The following ZNF654 variants were observed in gnomAD, a reference collection of about 807,000 sequenced individuals.
ZNF654 encodes zinc finger protein 654, also known as melanoma-associated antigen.
ZNF654 carries 19 observed loss-of-function variants against 95.3 expected under a neutral mutation model. The observed-to-expected ratio is 0.20, with a 90% CI of 0.14 to 0.29. The LOEUF is 0.29. ZNF654 is among the 10% of genes least tolerant of loss of function. The pLI, the probability that ZNF654 is intolerant of heterozygous loss-of-function variation, is 1.00. For missense variants in ZNF654, 1,046 were observed against 1,341.0 expected (o/e 0.78, Z 3.44); for synonymous variants, 413 against 457.9 (o/e 0.90, Z 1.25).
In ZNF654 at chr3:88,059,437, G is replaced by C. The variant is rs1207188959; in HGVS notation, c.118G>C (p.Ala40Pro). The change falls in exon 1 of 9, where the codon GCT (alanine) becomes CCT (proline). Residue 40 changes from alanine to proline, a missense_variant. Ala to Pro is a conservative substitution (Grantham distance 27). Coordinates refer to ENST00000636215, the MANE Select transcript of ZNF654 (RefSeq NM_001350134.2). ...AGCTGCGGGCGACGGCAGAGGCGGC[G>C]CTGGCAGCGGCAACTGCGGCGGCGG... ...LRAAGDGRGG[A>P]GSGNCGGGVG... is the part of the protein sequence containing the mutation. 6.6e-7 allele frequency: 1 copy of C among 1,522,074 alleles called. No individual in the cohort carries two copies. Among genetic ancestry groups the C allele is most frequent in the East Asian group, 2.5e-5 (1 of 40,216 alleles). The allele number at this position is 1,522,074 out of a possible 1,614,324, so 94.3% of individuals were successfully genotyped here. A position where few individuals can be genotyped will look rare whatever the true frequency, so the allele number is the denominator to read the frequency against.
chr3:88,110,268 A>T (rs948850232), intron 2 of ZNF654, among the ~76,000 whole-genome samples: 3 of 152,104 alleles, frequency 2.0e-5, no homozygotes, highest in African/African-American at 7.2e-5. Flanking sequence ...TTCAAACCCA[A>T]ACAGCTAGAC....
At chr3:88,100,685 C>A (rs1260049030) in intron 2 of ZNF654, among the ~76,000 whole-genome samples, 2 of 152,146 alleles carry the variant, frequency 1.3e-5, no homozygotes, top group African/African-American at 2.4e-5. Flanking sequence ...TGGAAACCAT[C>A]ATTCTCAGCA....
At chr3:88,120,142 T>G (rs1478859873) in intron 3 of ZNF654, among the ~76,000 whole-genome samples, 3 of 152,166 alleles carry the variant, frequency 2.0e-5, no homozygotes, top group Non-Finnish European at 4.4e-5. Context: ...CTGAGAGTCA[T>G]CTTAAAAATT....
intron 1 of ZNF654, among the ~76,000 whole-genome samples, chr3:88,069,098 A>C (rs575532254): frequency 1.3e-5 from 2 of 152,004 alleles, no homozygotes; most frequent in African/African-American, 4.8e-5. Flanking sequence ...GAAAAAAATC[A>C]AATTCAATCT....
chr3:88,090,789 C>T (rs1282348162), intron 2 of ZNF654, among the ~76,000 whole-genome samples: 1 of 152,036 alleles, frequency 6.6e-6, no homozygotes, highest in East Asian at 1.9e-4. Flanking sequence ...GCTTCCCTGG[C>T]CACATTGGAA....
At chr3:88,116,193 G>T (rs1705379323) in intron 3 of ZNF654, among the ~76,000 whole-genome samples, 1 of 152,060 alleles carries the variant, frequency 6.6e-6, no homozygotes, top group African/African-American at 2.4e-5. Context: ...CTAAAGGACA[G>T]AAATCCTGAG....
At position 88,110,372 on chromosome 3, in the gene ZNF654, G is replaced by A. The variant is rs190518146; in HGVS notation, c.333-2743G>A. 2.6e-5 allele frequency among the ~76,000 whole-genome samples: 4 copies of A among 152,194 alleles called. No homozygotes were observed. The East Asian group carries it at 5.8e-4, about 22-fold the overall frequency. On this transcript the variant is annotated intron_variant, in intron 2 of 8. Coordinates refer to ENST00000636215, the MANE Select transcript of ZNF654 (RefSeq NM_001350134.2). ...CTGGTCAACTCTACCACTGTGGTAT[G>A]AAAGCAGCTGTAGTCAATATGTAAA...
At chr3:88,075,668 G>A (rs1048644168) in intron 1 of ZNF654, among the ~76,000 whole-genome samples, 2 of 152,162 alleles carry the variant, frequency 1.3e-5, no homozygotes, top group African/African-American at 4.8e-5. Context: ...TTCAGCAATA[G>A]TAGGATATGT....
chr3:88,137,659 A>G (rs1706879813), intron 7 of ZNF654, among the ~76,000 whole-genome samples: 1 of 152,180 alleles, frequency 6.6e-6, no homozygotes, highest in African/African-American at 2.4e-5. Flanking sequence ...GACCAGGATA[A>G]GTGGGGAGAA....
Position 88,059,331 on chromosome 3 carries a change from A to G in ZNF654, c.12A>G (p.Glu4=). The change falls in exon 1 of 9, where the codon GAA becomes GAG. Residue 4 remains glutamate, a synonymous_variant. Coordinates refer to ENST00000636215, the MANE Select transcript of ZNF654 (RefSeq NM_001350134.2). ...GCGGCGAGAGCCTCATGGCGGAGGA[A>G]GAGAGCGACCAAGAGGCCGAACGCC... MAE[E]ESDQEAERLG... The G allele has an allele frequency of 2.0e-6, 3 of 1,534,092 alleles. No individual in the cohort carries two copies. The highest frequency in any genetic ancestry group is 2.6e-6 in the Non-Finnish European group (3 of 1,146,580).
At chr3:88,104,146 G>C (rs1704600263) in intron 2 of ZNF654, among the ~76,000 whole-genome samples, 1 of 152,122 alleles carries the variant, frequency 6.6e-6, no homozygotes, top group Non-Finnish European at 1.5e-5. Flanking sequence ...TGGCAGGCCT[G>C]AACTACAGAA....
chr3:88,095,688 A>G (rs1215582178), intron 2 of ZNF654: 2 of 422,512 alleles, frequency 4.7e-6, no homozygotes, highest in African/African-American at 2.1e-5. Context: ...CTGTCAGCAC[A>G]GTTTGAGAAA....
chr3:88,080,836 T>A (rs965092405), intron 1 of ZNF654, among the ~76,000 whole-genome samples: 10 of 152,220 alleles, frequency 6.6e-5, no homozygotes, highest in Non-Finnish European at 1.3e-4. Flanking sequence ...TTAAATTTTT[T>A]AAAACTGAAC....
chr3:88,064,413 T>C (rs1473978891), intron 1 of ZNF654, among the ~76,000 whole-genome samples: 2 of 152,222 alleles, frequency 1.3e-5, no homozygotes, highest in African/African-American at 4.8e-5. Context: ...ACCCTCTTTG[T>C]GTCCAAATGT....
At position 88,077,303 on chromosome 3, in the gene ZNF654, C is replaced by G. The variant is rs189449142; in HGVS notation, c.187-8954C>G. Among the ~76,000 whole-genome samples the G allele has an allele frequency of 2.7e-3, 398 of 149,814 alleles. 2 individuals are homozygous for G. Among genetic ancestry groups the G allele is most frequent in the African/African-American group, 8.5e-3 (346 of 40,808 alleles). On this transcript the variant is annotated intron_variant, in intron 1 of 8. Coordinates refer to ENST00000636215, the MANE Select transcript of ZNF654 (RefSeq NM_001350134.2). Reference sequence around the variant, plus strand: ...TTGCCCTGGCTTATGTTGGTAGTTACAAAAAAGAGAAAAAGTTGCAGACTT... The same window carrying G: ...TTGCCCTGGCTTATGTTGGTAGTTAGAAAAAAGAGAAAAAGTTGCAGACTT...
intron 5 of ZNF654, 54 bp downstream of exon 5, chr3:88,129,065 AC>A: frequency 1.5e-6 from 2 of 1,330,154 alleles, no homozygotes; most frequent in Non-Finnish European, 1.0e-6. Context: ...CCAAAAAAAA[AC>A]CAAAAAAAAA....
At chr3:88,132,237 G>GA (rs1045502605) in intron 6 of ZNF654, among the ~76,000 whole-genome samples, 5 of 149,312 alleles carry the variant, frequency 3.3e-5, no homozygotes, top group East Asian at 3.9e-4. Context: ...GGTCAAGTTT[G>GA]AAAAAAAAAA....
At chr3:88,081,038 A>C (rs1708050318) in intron 1 of ZNF654, among the ~76,000 whole-genome samples, 1 of 152,080 alleles carries the variant, frequency 6.6e-6, no homozygotes, top group Non-Finnish European at 1.5e-5. Context: ...ACAGTTCCTC[A>C]GCCTTTCCTT....
At chr3:88,127,051 G>A (rs1457303181) in intron 4 of ZNF654, among the ~76,000 whole-genome samples, 1 of 151,932 alleles carries the variant, frequency 6.6e-6, no homozygotes, top group African/African-American at 2.4e-5. Context: ...AGAACATTTT[G>A]GATCACCAAA....
Sources: allele counts gnomAD v4.1 joint callset (sites outside exome capture counted in the v4.1 genomes callset), GRCh38; gene constraint gnomAD v4.1.1; transcripts MANE v1.5; gene names NCBI Gene and HGNC (gene_info 2026-07-23, HGNC 2026-07-21).